The following STARD3NL variants were observed in gnomAD, a reference collection of about 807,000 sequenced individuals.
STARD3NL encodes the protein STARD3 N-terminal-like protein.
A neutral mutation model predicts 30.9 loss-of-function variants in STARD3NL; 17 were observed. That is an observed-to-expected ratio of 0.55 (90% CI 0.38 to 0.82). STARD3NL has a LOEUF of 0.82. Ranked by LOEUF, STARD3NL falls within the 40% of genes least tolerant of loss-of-function variation. The pLI, the probability that STARD3NL is intolerant of heterozygous loss-of-function variation, is 0.00. For synonymous variants in STARD3NL, 112 were observed against 100.5 expected, an observed-to-expected ratio of 1.11 and a Z score of -0.69; for missense variants, 234 against 277.6, an observed-to-expected ratio of 0.84 and a Z score of 1.12.
At chr7:38,211,394 G>A (rs1785794033) in intron 2 of STARD3NL, among the ~76,000 whole-genome samples, 1 of 152,140 alleles carries the variant, frequency 6.6e-6, no homozygotes, top group Admixed American at 6.5e-5. Flanking sequence ...TGGGGAGAGG[G>A]TTTGGAGATC....
chr7:38,211,710 C>G, intron 2 of STARD3NL, among the ~76,000 whole-genome samples: 1 of 152,166 alleles, frequency 6.6e-6, no homozygotes, highest in East Asian at 1.9e-4. Flanking sequence ...ATCACAGCCT[C>G]CTTGACCTGT....
intron 7 of STARD3NL, among the ~76,000 whole-genome samples, chr7:38,220,999 C>A (rs969911325): frequency 6.6e-6 from 1 of 152,040 alleles, no homozygotes; most frequent in African/African-American, 2.4e-5. Context: ...CATACTATAA[C>A]ATGTATGAAC....
chr7:38,203,677 G>A (rs1478912363), intron 1 of STARD3NL, among the ~76,000 whole-genome samples: 7 of 152,164 alleles, frequency 4.6e-5, no homozygotes, highest in African/African-American at 1.4e-4. Context: ...AAAAGACACA[G>A]ACTGGCAAAT....
intron 6 of STARD3NL, among the ~76,000 whole-genome samples, chr7:38,218,198 C>T (rs565666946): frequency 1.3e-5 from 2 of 152,218 alleles, no homozygotes; most frequent in Admixed American, 1.3e-4. Flanking sequence ...TGCTGGCCAT[C>T]TGGCTCAATT....
chr7:38,229,475 A>G (rs1020898992), intron 8 of STARD3NL, among the ~76,000 whole-genome samples: 2 of 152,278 alleles, frequency 1.3e-5, no homozygotes, highest in African/African-American at 4.8e-5. Context: ...TAAGTCATCA[A>G]AGAAAATCAT....
intron 1 of STARD3NL, among the ~76,000 whole-genome samples, chr7:38,188,688 C>G (rs1421980783): frequency 6.6e-6 from 1 of 152,178 alleles, no homozygotes; most frequent in Non-Finnish European, 1.5e-5. Context: ...CCAGATTCAG[C>G]TTCTCAATGT....
At position 38,219,105 on chromosome 7, in the gene STARD3NL, G is replaced by A. The variant is rs1008184171; in HGVS notation, c.554-460G>A. Among the ~76,000 whole-genome samples, 24 of 152,278 alleles carry A rather than the reference G, an allele frequency of 1.6e-4. No homozygotes were observed. The South Asian group carries it at 3.9e-3, about 25-fold the overall frequency. On this transcript the variant is annotated intron_variant, in intron 6 of 8. Coordinates refer to ENST00000009041, the MANE Select transcript of STARD3NL (RefSeq NM_032016.4). ...AGGGCCTCACTTTGTGAAGTGCAGT[G>A]GCACAATCATGGCTCACTGCAGCTT...
chr7:38,220,379 T>C (rs968079798), intron 7 of STARD3NL, among the ~76,000 whole-genome samples: 17 of 152,234 alleles, frequency 1.1e-4, no homozygotes, highest in Non-Finnish European at 1.5e-4. Context: ...TAAAAGATGC[T>C]TAACATCACT....
intron 1 of STARD3NL, among the ~76,000 whole-genome samples, chr7:38,187,432 A>G (rs569970366): frequency 6.0e-4 from 91 of 152,250 alleles, no homozygotes; most frequent in Non-Finnish European, 1.0e-3. Context: ...TTATTTATAT[A>G]TCTTCCCTAT....
rs146826864 is a variant in STARD3NL at position 38,212,634 on chromosome 7, T to TG, written c.226-1722dup. Among the ~76,000 whole-genome samples the TG allele has an allele frequency of 3.9e-3, 596 of 152,302 alleles. 5 individuals are homozygous for TG. Among genetic ancestry groups the TG allele is most frequent in the African/African-American group, 0.011 (461 of 41,564 alleles). On this transcript the variant is annotated intron_variant, in intron 2 of 8. Coordinates refer to ENST00000009041, the MANE Select transcript of STARD3NL (RefSeq NM_032016.4). ...TGGATAAAGATCATTGTGGCAGTGG[T>TG]GAGCAGGTGGGACAGATTGGCAGTA...
intron 2 of STARD3NL, among the ~76,000 whole-genome samples, chr7:38,208,258 TC>T (rs1217501743): frequency 6.6e-6 from 1 of 152,226 alleles, no homozygotes; most frequent in Non-Finnish European, 1.5e-5. Flanking sequence ...CTTTTCTAGT[TC>T]CTAGGTTTAA....
intron 2 of STARD3NL, among the ~76,000 whole-genome samples, chr7:38,209,187 C>T (rs773837296): frequency 4.6e-5 from 7 of 151,904 alleles, no homozygotes; most frequent in Non-Finnish European, 8.8e-5. Context: ...TCCACATATG[C>T]ACATTAAAGA....
chr7:38,225,601 TTGTACTGATTTGACAC>T (rs1786713415), intron 7 of STARD3NL, among the ~76,000 whole-genome samples: 2 of 49,088 alleles, frequency 4.1e-5, no homozygotes, highest in Non-Finnish European at 1.1e-4. Flanking sequence ...CCTTTCCCCA[TTGTACTGATTTGACAC>T]GTTTGCTAAA....
chr7:38,194,718 T>G (rs1273669293), intron 1 of STARD3NL, among the ~76,000 whole-genome samples: 1 of 152,170 alleles, frequency 6.6e-6, no homozygotes, highest in East Asian at 1.9e-4. Context: ...TCATTCTCTA[T>G]AGAGTTCCTT....
At chr7:38,227,864 T>C (rs1025248545) in intron 7 of STARD3NL, among the ~76,000 whole-genome samples, 1 of 152,184 alleles carries the variant, frequency 6.6e-6, no homozygotes, top group East Asian at 1.9e-4. Context: ...ATGCTGCCTA[T>C]ATTATTCATA....
intron 1 of STARD3NL, among the ~76,000 whole-genome samples, chr7:38,200,197 A>AT (rs902418384): frequency 1.3e-5 from 2 of 152,210 alleles, no homozygotes; most frequent in African/African-American, 4.8e-5. Context: ...AACAAGAAGC[A>AT]GCTGGGTAGA....
At chr7:38,228,195 C>CTTAG (rs1786893127) in intron 7 of STARD3NL, among the ~76,000 whole-genome samples, 1 of 152,184 alleles carries the variant, frequency 6.6e-6, no homozygotes, top group African/African-American at 2.4e-5. Context: ...TTCTCAGACA[C>CTTAG]TTAGCTTTCT....
Position 38,207,497 on chromosome 7 carries a change from C to T in STARD3NL, c.-8C>T. The T allele has an allele frequency of 6.2e-7, 1 of 1,613,322 alleles. No homozygotes were observed. Among genetic ancestry groups the T allele is most frequent in the Non-Finnish European group, 8.5e-7 (1 of 1,179,492 alleles). ...GTTGGAAAAAGGCTCCTGTAACCCT[C>T]CTCCAGGATGAACCACCTGCCAGAA... On this transcript the variant is annotated 5_prime_UTR_variant, in exon 2 of 9. Coordinates refer to ENST00000009041, the MANE Select transcript of STARD3NL (RefSeq NM_032016.4).
intron 1 of STARD3NL, among the ~76,000 whole-genome samples, chr7:38,192,967 G>A (rs995890298): frequency 6.6e-6 from 1 of 151,814 alleles, no homozygotes; most frequent in African/African-American, 2.4e-5. Flanking sequence ...TCAGGGATGT[G>A]TTTCTCCCTG....
Sources: gnomAD v4.1 joint callset for allele counts (sites outside exome capture counted in the v4.1 genomes callset) on GRCh38, gnomAD v4.1.1 for gene constraint, MANE v1.5 for transcripts, NCBI Gene and HGNC (gene_info 2026-07-23, HGNC 2026-07-21) for gene names.